CNN2: variants seen among roughly 807,000 people sequenced by gnomAD.
CNN2 encodes calponin 2, also known as calponin-2.
A neutral mutation model predicts 31.0 loss-of-function variants in CNN2; 21 were observed. The ratio of observed to expected loss-of-function variants is 0.68; its 90% CI spans 0.48 to 0.98. The LOEUF (loss-of-function observed/expected upper bound fraction) is 0.98, where lower values mean the gene tolerates loss of function less well. CNN2 is among the 50% of genes least tolerant of loss of function. The probability of loss-of-function intolerance (pLI) is 0.00; values close to 1 mark genes in which losing one functional copy is unlikely to be tolerated. For missense variants in CNN2, 399 were observed against 427.3 expected, an observed-to-expected ratio of 0.93 and a Z score of 0.58; for synonymous variants, 165 against 179.6, an observed-to-expected ratio of 0.92 and a Z score of 0.65.
chr19:1,027,392 C>T (rs746748234), intron 1 of CNN2, among the ~76,000 whole-genome samples: 3 of 152,216 alleles, frequency 2.0e-5, no homozygotes, highest in African/African-American at 7.2e-5. Flanking sequence ...AGCTGGGGCC[C>T]GGCAGGGCGC....
In CNN2 at chr19:1,038,202, A is replaced by C; in HGVS notation, c.*302A>C. On this transcript the variant is annotated 3_prime_UTR_variant, in exon 7 of 7. Coordinates refer to ENST00000263097, the MANE Select transcript of CNN2 (RefSeq NM_004368.4). ...AAGAAGAGACCTGGGCTTGGAAGGA[A>C]CCGGTCCCCGACGGTTTCTGCTTGC... 1 of 332,282 alleles carries C rather than the reference A, an allele frequency of 3.0e-6. No homozygotes were observed. The highest frequency in any genetic ancestry group is 4.7e-5 in the Admixed American group (1 of 21,488). The allele number at this position is 332,282 out of a possible 1,614,324, so 20.6% of individuals were successfully genotyped here.
At chr19:1,031,379 A>T (rs1050747896) in intron 2 of CNN2, among the ~76,000 whole-genome samples, 187 bp downstream of exon 2, 11 of 150,034 alleles carry the variant, frequency 7.3e-5, no homozygotes, top group African/African-American at 2.7e-4. Context: ...GTTCGAGACC[A>T]GCCTGGCCAA....
Position 1,037,969 on chromosome 19 carries a change from C to T in CNN2, c.*69C>T, listed in dbSNP as rs1599520114. 1.6e-4 allele frequency: 186 copies of T among 1,192,652 alleles called. No individual in the cohort carries two copies. The highest frequency in any genetic ancestry group is 2.5e-4 in the Admixed American group (9 of 36,046). 73.9% of individuals were successfully genotyped at this position (1,192,652 alleles called of 1,614,324 possible). On this transcript the variant is annotated 3_prime_UTR_variant, in exon 7 of 7. Transcript: ENST00000263097. The stretch of plus-strand genomic sequence containing the variant: ...TTTTTGGGTTTTTCTGTGTTTTCAT[C>T]TTTTTTTTTTTTTTCTTAACCCGTT...
At chr19:1,029,786 G>T (rs1327861588) in intron 1 of CNN2, among the ~76,000 whole-genome samples, 1 of 150,852 alleles carries the variant, frequency 6.6e-6, no homozygotes, top group Non-Finnish European at 1.5e-5. Flanking sequence ...TGCCTCCTCT[G>T]CCTCCTGGGT....
Position 1,037,639 on chromosome 19 carries a change from T to C in CNN2, c.669T>C (p.Ala223=), listed in dbSNP as rs1333832969. 1.2e-6 allele frequency: 2 copies of C among 1,611,146 alleles called. No individual in the cohort carries two copies. The highest frequency in any genetic ancestry group is 1.1e-5 in the South Asian group (1 of 90,996). The change falls in exon 7 of 7, where the codon GCT becomes GCC. Residue 223 remains alanine (A), a synonymous_variant. Transcript: ENST00000263097. ...NKCASQVGMT[A]PGTRRHIYDT... ...TTCCTCTCCAGGTGGGCATGACGGC[T>C]CCCGGGACCCGGCGGCACATCTATG...
chr19:1,026,971 A>T lies in CNN2; in HGVS notation c.63+247A>T, dbSNP rs1415334614. 4 of 465,890 alleles carry T rather than the reference A, an allele frequency of 8.6e-6. No homozygotes were observed. In the East Asian group the frequency reaches 1.7e-4, roughly 19 times the overall value. The allele number at this position is 465,890 out of a possible 1,614,324, so 28.9% of individuals were successfully genotyped here. ...CGAGTGACCCATTCCCCCCCCCAAC[A>T]TCTAGGGGTAGTTGGGTCTGACTTC... is the stretch of plus-strand genomic sequence containing the variant. On this transcript the variant is annotated intron_variant, in intron 1 of 6. Coordinates refer to ENST00000263097, the MANE Select transcript of CNN2 (RefSeq NM_004368.4).
chr19:1,036,283 ATTGGGGGACCACGGTG>A (rs750398527), intron 5 of CNN2, 37 bp downstream of exon 5: 50 of 1,568,074 alleles, frequency 3.2e-5, no homozygotes, highest in Non-Finnish European at 4.1e-5. Context: ...GGACCACGGC[ATTGGGGGACCACGGTG>A]TTGGGGGACA....
chr19:1,033,691 G>C (rs2039539075), intron 4 of CNN2, among the ~76,000 whole-genome samples: 1 of 87,402 alleles, frequency 1.1e-5, no homozygotes, highest in South Asian at 4.4e-4. Flanking sequence ...GGTGGGACAC[G>C]GTGTCTGGTG....
Position 1,032,476 on chromosome 19 carries a change from C to A in CNN2, c.252+18C>A, listed in dbSNP as rs368650323. ...GGCACCAGGTGAGGGGCTGGTGGAG[C>A]GGAGCAGGGATGGTGCTGGGGGCCC... is the stretch of plus-strand genomic sequence containing the variant. On this transcript the variant is annotated intron_variant, in intron 3 of 6. Transcript: ENST00000263097. The A allele has an allele frequency of 6.8e-6, 11 of 1,613,290 alleles. No individual in the cohort carries two copies. In the African/African-American group the frequency reaches 1.5e-4, roughly 22 times the overall value.
chr19:1,036,623 G>A, intron 6 of CNN2, 61 bp downstream of exon 6: 2 of 1,605,902 alleles, frequency 1.2e-6, no homozygotes, highest in Non-Finnish European at 1.7e-6. Context: ...TGTGGTCTCG[G>A]CCCCTCCCTG....
In CNN2 at chr19:1,032,471, T is replaced by G. The variant is rs759219092; in HGVS notation, c.252+13T>G. On this transcript the variant is annotated intron_variant, in intron 3 of 6. Coordinates refer to ENST00000263097, the MANE Select transcript of CNN2 (RefSeq NM_004368.4). ...GAACTGGCACCAGGTGAGGGGCTGGTGGAGCGGAGCAGGGATGGTGCTGGG... is the reference window on the plus strand; with the variant it reads ...GAACTGGCACCAGGTGAGGGGCTGGGGGAGCGGAGCAGGGATGGTGCTGGG... 1.9e-6 allele frequency: 3 copies of G among 1,613,320 alleles called. No homozygotes were observed. The highest frequency in any genetic ancestry group is 2.7e-5 in the African/African-American group (2 of 74,908).
chr19:1,036,487 C>A lies in CNN2; in HGVS notation c.579C>A (p.Pro193=), dbSNP rs2039588637. Residue 193 remains proline, a synonymous_variant, in exon 6 of 7, where the codon CCC becomes CCA. Coordinates refer to ENST00000263097, the MANE Select transcript of CNN2 (RefSeq NM_004368.4). ...GCACGAGAAGGCATCTCTATGACCC[C>A]AAGAACCATATCCTGCCCCCCATGG... ...AYGTRRHLYD[P]KNHILPPMDH... The A allele has an allele frequency of 3.1e-6, 5 of 1,613,290 alleles. No homozygotes were observed. In the East Asian group the frequency reaches 1.1e-4, roughly 36 times the overall value.
At position 1,037,969 on chromosome 19, in the gene CNN2, C is replaced by CTTT. The variant is rs60469398; in HGVS notation, c.*81_*83dup. Reference sequence around the variant, plus strand: ...TTTTTGGGTTTTTCTGTGTTTTCATCTTTTTTTTTTTTTTCTTAACCCGTT... The same window carrying CTTT: ...TTTTTGGGTTTTTCTGTGTTTTCATCTTTTTTTTTTTTTTTTTCTTAACCCGTT... On this transcript the variant is annotated 3_prime_UTR_variant, in exon 7 of 7. Coordinates refer to ENST00000263097, the MANE Select transcript of CNN2 (RefSeq NM_004368.4). 1.4e-3 allele frequency: 1,717 copies of CTTT among 1,188,728 alleles called. No homozygotes were observed. Among genetic ancestry groups the CTTT allele is most frequent in the African/African-American group, 3.7e-3 (228 of 62,228 alleles). 73.6% of individuals were successfully genotyped at this position (1,188,728 alleles called of 1,614,324 possible).
intron 1 of CNN2, among the ~76,000 whole-genome samples, chr19:1,028,701 G>C (rs903044159): frequency 6.6e-6 from 1 of 152,132 alleles, no homozygotes; most frequent in African/African-American, 2.4e-5. Context: ...CCGGGCAGCG[G>C]GGGGGCGGGG....
At chr19:1,032,530 C>A (rs371550217) in intron 3 of CNN2, 29 bp from the exon 4 acceptor site, 1 of 1,613,446 alleles carries the variant, frequency 6.2e-7, no homozygotes. Context: ...CTGAGGCCCA[C>A]TCACTGTCCC....
At chr19:1,027,151 C>T (rs1448520971) in intron 1 of CNN2, 1 of 165,174 alleles carries the variant, frequency 6.1e-6, no homozygotes. Context: ...GCTTTTGGGG[C>T]CTCTTAGCTT....
Position 1,031,087 on chromosome 19 carries a change from A to AC in CNN2, c.85dup (p.Gln29ProfsTer85). The stretch of plus-strand genomic sequence containing the variant: ...CTCCACCAGCTCCTGTCCAAATATG[A>AC]CCCCCAGAAGGAGGCAGAGCTCCGC... On this transcript the variant is annotated frameshift_variant, in exon 2 of 7. Coordinates refer to ENST00000263097, the MANE Select transcript of CNN2 (RefSeq NM_004368.4). LOFTEE classifies it high-confidence loss of function. 6.2e-7 allele frequency: 1 copy of AC among 1,611,176 alleles called. No individual in the cohort carries two copies. The highest frequency in any genetic ancestry group is 8.5e-7 in the Non-Finnish European group (1 of 1,179,126).
intron 2 of CNN2, among the ~76,000 whole-genome samples, chr19:1,031,968 G>A (rs1219497838): frequency 6.6e-6 from 1 of 151,850 alleles, no homozygotes; most frequent in Non-Finnish European, 1.5e-5. Flanking sequence ...GGTGGCTCAC[G>A]CTTGTAATCC....
intron 5 of CNN2, 70 bp downstream of exon 5, chr19:1,036,316 T>G: frequency 6.4e-7 from 1 of 1,571,984 alleles, no homozygotes; most frequent in Non-Finnish European, 8.7e-7. Flanking sequence ...GACAGCAGCA[T>G]TGGGGGACAG....
Sources: allele counts gnomAD v4.1 joint callset (sites outside exome capture counted in the v4.1 genomes callset), GRCh38; gene constraint gnomAD v4.1.1; transcripts MANE v1.5; gene names NCBI Gene and HGNC (gene_info 2026-07-23, HGNC 2026-07-21).